Variants in TMEM87A observed in about 807,000 individuals in gnomAD.
TMEM87A encodes transmembrane protein 87A.
Under a neutral mutation model 90.0 loss-of-function variants are expected in TMEM87A, and 50 were observed. The observed-to-expected ratio is 0.56, with a 90% CI of 0.44 to 0.70. TMEM87A has a LOEUF of 0.70. Ranked by LOEUF, TMEM87A falls within the 30% of genes least tolerant of loss-of-function variation. TMEM87A has a pLI of 0.00. For missense variants in TMEM87A, 577 were observed against 660.5 expected, an observed-to-expected ratio of 0.87 and a Z score of 1.39; for synonymous variants, 226 against 226.7, an observed-to-expected ratio of 1.00 and a Z score of 0.03.
rs76282781 is a variant in TMEM87A, at chr15:42,254,196, C to T, written c.504+6762G>A. 3.9e-3 allele frequency among the ~76,000 whole-genome samples: 600 copies of T among 152,240 alleles called. 21 individuals carry two copies. The East Asian group carries it at 0.054, about 14-fold the overall frequency. ...CCCATGAGTAAGGTAATTAAAGCTA[C>T]AAGTGACAATCCAGTTATTGATGCT... On this transcript the variant is annotated intron_variant, in intron 6 of 19. Transcript: ENST00000389834.
chr15:42,273,565 C>T (rs1484566096), upstream of TMEM87A: 5 of 1,256,210 alleles, frequency 4.0e-6, no homozygotes, highest in Middle Eastern at 2.8e-4. Flanking sequence ...GTCTGTGCGC[C>T]GTGAGACTTT....
At chr15:42,264,271 CAACA>C in intron 3 of TMEM87A, 68 bp from the exon 4 acceptor site, 1 of 1,075,186 alleles carries the variant, frequency 9.3e-7, no homozygotes, top group Non-Finnish European at 1.4e-6. Flanking sequence ...GAGCACAGCA[CAACA>C]AACAGTTCAC....
chr15:42,244,042 G>T lies in TMEM87A; in HGVS notation c.622+8C>A. 1 of 1,502,720 alleles carries T rather than the reference G, an allele frequency of 6.7e-7. No individual in the cohort carries two copies. The highest frequency in any genetic ancestry group is 1.9e-4 in the Middle Eastern group (1 of 5,260). 93.1% of individuals were successfully genotyped at this position (1,502,720 alleles called of 1,614,324 possible). On this transcript the variant is annotated splice_region_variant and intron_variant, in intron 7 of 19. Coordinates refer to ENST00000389834, the MANE Select transcript of TMEM87A (RefSeq NM_015497.5). ...TAACATAACCATTAAAAAAAAAACT[G>T]AACTTACTGGTAAAAAGATTACTCA...
At chr15:42,273,086 C>T in intron 1 of TMEM87A, 169 bp downstream of exon 1, 1 of 778,900 alleles carries the variant, frequency 1.3e-6, no homozygotes, top group Non-Finnish European at 2.1e-6. Flanking sequence ...CAGAAGTGCG[C>T]GGCTTTCCAC....
chr15:42,245,864 C>T (rs1168317415), intron 6 of TMEM87A, among the ~76,000 whole-genome samples: 1 of 152,092 alleles, frequency 6.6e-6, no homozygotes, highest in Non-Finnish European at 1.5e-5. Flanking sequence ...TCACAGCAGC[C>T]CTATCAGATA....
At chr15:42,239,980 T>C (rs2050840956) in intron 7 of TMEM87A, among the ~76,000 whole-genome samples, 1 of 152,208 alleles carries the variant, frequency 6.6e-6, no homozygotes. Context: ...AAGGCTCTTT[T>C]GTTTCCATAC....
chr15:42,215,171 T>C (rs1447293889), intron 19 of TMEM87A, among the ~76,000 whole-genome samples: 1 of 152,192 alleles, frequency 6.6e-6, no homozygotes, highest in African/African-American at 2.4e-5. Context: ...TATTTGGGTA[T>C]CTAAAGTTAT....
intron 6 of TMEM87A, among the ~76,000 whole-genome samples, chr15:42,252,155 G>A (rs537499881): frequency 3.3e-5 from 5 of 152,246 alleles, no homozygotes; most frequent in East Asian, 1.9e-4. Context: ...AGTCTGTCAC[G>A]GCTTCCCTTG....
intron 12 of TMEM87A, among the ~76,000 whole-genome samples, chr15:42,229,932 TCTC>T (rs936148757): frequency 3.3e-5 from 5 of 152,050 alleles, no homozygotes; most frequent in African/African-American, 9.7e-5. Context: ...CTCAAGCAAT[TCTC>T]CTGCCTCAGG....
chr15:42,243,512 A>ATT (rs375255055), intron 7 of TMEM87A, among the ~76,000 whole-genome samples: 187 of 129,556 alleles, frequency 1.4e-3, no homozygotes, highest in African/African-American at 4.3e-3. Flanking sequence ...ATGTTAATTA[A>ATT]TTTTTTTTTT....
intron 3 of TMEM87A, among the ~76,000 whole-genome samples, chr15:42,264,699 A>ATATATATATATTT (rs10681614): frequency 4.1e-4 from 45 of 109,434 alleles, no homozygotes; most frequent in African/African-American, 1.0e-3. Context: ...ATATATATAT[A>ATATATATATATTT]TTTTTTTTTT....
intron 1 of TMEM87A, 37 bp downstream of exon 1, chr15:42,273,218 T>C (rs776947137): frequency 5.6e-6 from 9 of 1,610,524 alleles, no homozygotes; most frequent in Non-Finnish European, 5.9e-6. Context: ...CACCCCTTGC[T>C]CCTCTAGGTT....
chr15:42,230,119 A>C (rs2050663468), intron 12 of TMEM87A, among the ~76,000 whole-genome samples: 1 of 152,162 alleles, frequency 6.6e-6, no homozygotes, highest in Admixed American at 6.5e-5. Context: ...GAGCCACTGC[A>C]CCCGGCTCAA....
chr15:42,226,734 C>A, intron 15 of TMEM87A, 72 bp downstream of exon 15: 1 of 1,309,134 alleles, frequency 7.6e-7, no homozygotes, highest in Non-Finnish European at 1.1e-6. Context: ...TGATACTGTC[C>A]CCCAATGCAC....
At chr15:42,220,596 T>C (rs551822613) in intron 15 of TMEM87A, among the ~76,000 whole-genome samples, 131 of 150,140 alleles carry the variant, frequency 8.7e-4, no homozygotes, top group Non-Finnish European at 1.4e-3. Context: ...AGCCTTCAAA[T>C]TGGGAGTTAA....
chr15:42,216,325 G>T (rs529849622), intron 19 of TMEM87A, among the ~76,000 whole-genome samples: 1 of 152,140 alleles, frequency 6.6e-6, no homozygotes, highest in Non-Finnish European at 1.5e-5. Flanking sequence ...GTGCTTATAC[G>T]TAATAATACT....
At chr15:42,219,880 C>A (rs1432466935) in intron 16 of TMEM87A, among the ~76,000 whole-genome samples, 182 bp downstream of exon 16, 1 of 152,148 alleles carries the variant, frequency 6.6e-6, no homozygotes, top group African/African-American at 2.4e-5. Flanking sequence ...AAAATGGATA[C>A]TTAATGTGCA....
chr15:42,222,863 TTG>T, intron 15 of TMEM87A, among the ~76,000 whole-genome samples: 1 of 152,322 alleles, frequency 6.6e-6, no homozygotes, highest in East Asian at 1.9e-4. Flanking sequence ...CCCGGCCTGA[TTG>T]TGAAATTTTT....
chr15:42,256,959 C>T (rs1432469628), intron 6 of TMEM87A, among the ~76,000 whole-genome samples: 4 of 152,198 alleles, frequency 2.6e-5, no homozygotes, highest in Non-Finnish European at 4.4e-5. Context: ...CTCTAGCGAT[C>T]TGCCTGCTGT....
Sources: allele counts gnomAD v4.1 joint callset (sites outside exome capture counted in the v4.1 genomes callset), GRCh38; gene constraint gnomAD v4.1.1; transcripts MANE v1.5; gene names NCBI Gene and HGNC (gene_info 2026-07-23, HGNC 2026-07-21).